The following CLCN3 variants were observed in gnomAD, a reference collection of about 807,000 sequenced individuals.
CLCN3 encodes the protein Cl-/H+ antiporter 3.
Under a neutral mutation model 83.4 loss-of-function variants are expected in CLCN3, and 16 were observed. That is an observed-to-expected ratio of 0.19 (90% CI 0.13 to 0.29). CLCN3 has a LOEUF of 0.29. Ranked by LOEUF, CLCN3 falls within the 10% of genes least tolerant of loss-of-function variation. The pLI is 1.00. For missense variants in CLCN3, 544 were observed against 1,006.0 expected (o/e 0.54, Z 6.21); for synonymous variants, 322 against 346.2 (o/e 0.93, Z 0.78).
At chr4:169,683,602 G>A (rs1160726436) in intron 3 of CLCN3, among the ~76,000 whole-genome samples, 1 of 152,170 alleles carries the variant, frequency 6.6e-6, no homozygotes, top group Non-Finnish European at 1.5e-5. Flanking sequence ...TAGCCAGTAT[G>A]TGTCCTAGCT....
rs1242302522 is a variant in CLCN3 at position 169,660,035 on chromosome 4, T to C, written c.161-20015T>C. On this transcript the variant is annotated intron_variant, in intron 2 of 12. Coordinates refer to ENST00000513761, the MANE Select transcript of CLCN3 (RefSeq NM_001829.4). ...TACCACTGATGCTACCGAAGCTGTA[T>C]TGTGAGTGTTTCAAAATTCTCAAAC... is the stretch of plus-strand genomic sequence containing the variant. 5.0e-6 allele frequency: 5 copies of C among 999,880 alleles called. No homozygotes were observed. In the African/African-American group the frequency reaches 6.9e-5, roughly 14 times the overall value. The allele number at this position is 999,880 out of a possible 1,614,324, so 61.9% of individuals were successfully genotyped here. A position where few individuals can be genotyped will look rare whatever the true frequency, so the allele number is the denominator to read the frequency against.
intron 12 of CLCN3, among the ~76,000 whole-genome samples, chr4:169,717,492 T>A (rs942586832): frequency 1.3e-5 from 2 of 152,168 alleles, no homozygotes; most frequent in Non-Finnish European, 2.9e-5. Flanking sequence ...ATATTAAGTT[T>A]CTTTTGTACT....
At chr4:169,657,823 C>T (rs931276582) in intron 2 of CLCN3, among the ~76,000 whole-genome samples, 1 of 152,132 alleles carries the variant, frequency 6.6e-6, no homozygotes, top group African/African-American at 2.4e-5. Context: ...TTGAATTTGT[C>T]TTCTGCTCTC....
At chr4:169,628,531 C>T (rs1773291428) in intron 1 of CLCN3, among the ~76,000 whole-genome samples, 1 of 152,110 alleles carries the variant, frequency 6.6e-6, no homozygotes, top group Admixed American at 6.5e-5. Flanking sequence ...ACACATATAG[C>T]AAATGAGCAC....
intron 9 of CLCN3, among the ~76,000 whole-genome samples, chr4:169,697,972 G>T (rs886292324): frequency 3.3e-5 from 5 of 152,168 alleles, no homozygotes; most frequent in African/African-American, 1.2e-4. Context: ...TTTTGTTCTT[G>T]ATATTGAGTC....
intron 2 of CLCN3, among the ~76,000 whole-genome samples, chr4:169,639,265 C>T (rs542166610): frequency 9.2e-5 from 14 of 152,270 alleles, no homozygotes; most frequent in African/African-American, 3.1e-4. Context: ...CTTTTAGGTT[C>T]GAACGATCCT....
chr4:169,666,246 T>C lies in CLCN3; in HGVS notation c.161-13804T>C, dbSNP rs560353901. Among the ~76,000 whole-genome samples, 151 of 152,352 alleles carry C rather than the reference T, an allele frequency of 9.9e-4. 1 individual carries two copies. The highest frequency in any genetic ancestry group is 3.5e-3 in the African/African-American group (147 of 41,586). Reference sequence around the variant, plus strand: ...AGCATTGTTTACTAAACTTTGGTTTTATTTAAGTACATATCTATATACTAT... The same window carrying C: ...AGCATTGTTTACTAAACTTTGGTTTCATTTAAGTACATATCTATATACTAT... On this transcript the variant is annotated intron_variant, in intron 2 of 12. Coordinates refer to ENST00000513761, the MANE Select transcript of CLCN3 (RefSeq NM_001829.4).
At chr4:169,683,511 A>C (rs2150242487) in intron 3 of CLCN3, among the ~76,000 whole-genome samples, 1 of 152,260 alleles carries the variant, frequency 6.6e-6, no homozygotes, top group Middle Eastern at 3.4e-3. Flanking sequence ...AAACAAACAA[A>C]AAACACTTTT....
intron 2 of CLCN3, among the ~76,000 whole-genome samples, chr4:169,674,923 G>A (rs1326538622): frequency 6.6e-6 from 1 of 152,086 alleles, no homozygotes; most frequent in Non-Finnish European, 1.5e-5. Flanking sequence ...GCTAGTTTTT[G>A]TAGAGATGGG....
chr4:169,704,733 T>A (rs1732925089), intron 10 of CLCN3, among the ~76,000 whole-genome samples: 1 of 152,212 alleles, frequency 6.6e-6, no homozygotes, highest in Non-Finnish European at 1.5e-5. Flanking sequence ...ATTAAGTACT[T>A]GAGTCTATTT....
At chr4:169,665,884 G>T (rs140262805) in intron 2 of CLCN3, among the ~76,000 whole-genome samples, 8 of 151,754 alleles carry the variant, frequency 5.3e-5, no homozygotes, top group African/African-American at 1.7e-4. Flanking sequence ...CTATTATTTG[G>T]ATAAACCCCT....
At chr4:169,659,320 GCTTTATTTCTGAA>G (rs1266287833) in intron 2 of CLCN3, among the ~76,000 whole-genome samples, 11 of 152,172 alleles carry the variant, frequency 7.2e-5, no homozygotes, top group African/African-American at 2.6e-4. Flanking sequence ...CAAGAAAGTT[GCTTTATTTCTGAA>G]CTTCATAAAA....
intron 10 of CLCN3, 66 bp downstream of exon 10, chr4:169,704,250 A>C: frequency 2.7e-6 from 4 of 1,458,880 alleles, no homozygotes; most frequent in Non-Finnish European, 3.8e-6. Context: ...AGAAAGTGGG[A>C]CACATTCTTG....
At chr4:169,633,919 C>T (rs1773443046) in intron 1 of CLCN3, among the ~76,000 whole-genome samples, 1 of 151,568 alleles carries the variant, frequency 6.6e-6, no homozygotes, top group African/African-American at 2.4e-5. Context: ...TCAGTCAGTA[C>T]AGCTCTATAG....
Position 169,722,637 on chromosome 4 carries a change from C to T in CLCN3, c.*2640C>T, listed in dbSNP as rs898826486. The T allele has an allele frequency of 4.6e-5, 7 of 152,184 alleles. No individual in the cohort carries two copies. The highest frequency in any genetic ancestry group is 2.1e-4 in the South Asian group (1 of 4,828). 9.4% of individuals were successfully genotyped at this position (152,184 alleles called of 1,614,324 possible). A position where few individuals can be genotyped will look rare whatever the true frequency, so the allele number is the denominator to read the frequency against. On this transcript the variant is annotated 3_prime_UTR_variant, in exon 13 of 13. Coordinates refer to ENST00000513761, the MANE Select transcript of CLCN3 (RefSeq NM_001829.4). ...CATATTTCCCTTTTTTATTTCTGCT[C>T]CTCCTTTAATTGCCCATCTTGCTTC...
At chr4:169,625,995 GAC>G (rs1773225058) in intron 1 of CLCN3, among the ~76,000 whole-genome samples, 1 of 152,204 alleles carries the variant, frequency 6.6e-6, no homozygotes, top group South Asian at 2.1e-4. Flanking sequence ...GGTAGTGTCA[GAC>G]ACCACTGGTT....
intron 2 of CLCN3, among the ~76,000 whole-genome samples, chr4:169,654,441 G>GT (rs1217926452): frequency 1.3e-5 from 2 of 151,438 alleles, no homozygotes; most frequent in African/African-American, 2.4e-5. Flanking sequence ...ATTTTGATGA[G>GT]TTTTTTTTCT....
At chr4:169,672,543 G>A (rs146541007) in intron 2 of CLCN3, among the ~76,000 whole-genome samples, 88 of 152,198 alleles carry the variant, frequency 5.8e-4, no homozygotes, top group African/African-American at 2.0e-3. Context: ...TTATTCATGC[G>A]TAAGATGAAA....
intron 2 of CLCN3, among the ~76,000 whole-genome samples, chr4:169,666,924 A>C (rs958678159): frequency 1.3e-5 from 2 of 152,242 alleles, no homozygotes; most frequent in African/African-American, 4.8e-5. Context: ...GGTACACATT[A>C]AGTTAATTAA....
Sources: allele counts gnomAD v4.1 joint callset (sites outside exome capture counted in the v4.1 genomes callset), GRCh38; gene constraint gnomAD v4.1.1; transcripts MANE v1.5; gene names NCBI Gene and HGNC (gene_info 2026-07-23, HGNC 2026-07-21).